The following DAB2IP variants were observed in gnomAD, a reference collection of about 807,000 sequenced individuals.
DAB2IP encodes the protein disabled homolog 2-interacting protein.
Under a neutral mutation model 107.2 loss-of-function variants are expected in DAB2IP, and 28 were observed. The ratio of observed to expected loss-of-function variants is 0.26; its 90% CI spans 0.19 to 0.36. The LOEUF is 0.36. DAB2IP is among the 10% of genes least tolerant of loss of function. The pLI is 1.00. For synonymous variants in DAB2IP, 755 were observed against 706.4 expected (o/e 1.07, Z -1.09); for missense variants, 1,400 against 1,644.7 (o/e 0.85, Z 2.57).
Position 121,699,453 on chromosome 9 carries a change from T to G in DAB2IP, c.357T>G (p.Asn119Lys). 7.1e-7 allele frequency: 1 copy of G among 1,403,368 alleles called. No homozygotes were observed. The allele number at this position is 1,403,368 out of a possible 1,614,324, so 86.9% of individuals were successfully genotyped here. Reference sequence around the variant, plus strand: ...GCGCCGCCGCCGCCGCCGCGGACAATGAGAGGTGAGCCCGCCGCCGCCGCC... The same window carrying G: ...GCGCCGCCGCCGCCGCCGCGGACAAGGAGAGGTGAGCCCGCCGCCGCCGCC... Residue 119 changes from asparagine to lysine, a missense_variant, in exon 3 of 16, where the codon AAT becomes AAG. This residue lies in a region of DAB2IP where 283 missense variants were observed against 237.0 expected (regional missense o/e 1.19). Coordinates refer to ENST00000408936, the Ensembl canonical transcript of DAB2IP. This position sits in a 1 kb window ranked among gnomAD's most constrained non-coding sequence, Gnocchi z 6.2.
At chr9:121,737,468 A>G in intron 3 of DAB2IP, 1 of 985,460 alleles carries the variant, frequency 1.0e-6, no homozygotes, top group Non-Finnish European at 1.2e-6. Context: ...CACCTCTTAG[A>G]TGCCGGCCCG....
At chr9:121,664,062 G>T (rs1476226816) in intron 1 of DAB2IP, among the ~76,000 whole-genome samples, 6 of 152,324 alleles carry the variant, frequency 3.9e-5, no homozygotes, top group African/African-American at 7.2e-5. Context: ...TCTTAGATCT[G>T]TTTCTCCACA....
At chr9:121,773,389 C>G (rs1208946491) in exon 12 of DAB2IP, 10 of 1,596,134 alleles carry the variant, frequency 6.3e-6, no homozygotes, top group Non-Finnish European at 7.7e-6. Context: ...GGAACCCTGG[C>G]GTCGGCCTCA....
At chr9:121,781,473 C>A (rs771301898) in exon 15 of DAB2IP, 1 of 1,613,920 alleles carries the variant, frequency 6.2e-7, no homozygotes. Flanking sequence ...GGTTGATGTC[C>A]GTGGAGGAAG....
intron 3 of DAB2IP, among the ~76,000 whole-genome samples, chr9:121,703,618 A>G (rs928478560): frequency 6.6e-6 from 1 of 152,222 alleles, no homozygotes; most frequent in African/African-American, 2.4e-5. Context: ...CACACTTTTC[A>G]TAGAAATTTT....
chr9:121,759,632 C>T lies in DAB2IP; in HGVS notation c.616-253C>T, dbSNP rs116295465. ...TGAGATGGGGGTTTTACCTTAGTGC[C>T]GTTTCATAGACAAGCAACCCAAGGC... On this transcript the variant is annotated intron_variant, in intron 5 of 15. Coordinates refer to ENST00000408936, the Ensembl canonical transcript of DAB2IP. Among the ~76,000 whole-genome samples, 546 of 152,294 alleles carry T rather than the reference C, an allele frequency of 3.6e-3. 1 individual carries two copies. Among genetic ancestry groups the T allele is most frequent in the Middle Eastern group, 0.031 (9 of 294 alleles).
chr9:121,628,299 C>A (rs954498029), intron 1 of DAB2IP, among the ~76,000 whole-genome samples: 8 of 152,010 alleles, frequency 5.3e-5, no homozygotes, highest in Admixed American at 3.9e-4. Context: ...TTAGGTGGGC[C>A]CCCCCCATCC....
intron 1 of DAB2IP, among the ~76,000 whole-genome samples, chr9:121,612,473 CTTT>C (rs1352412690): frequency 3.3e-5 from 5 of 152,114 alleles, no homozygotes. Context: ...AAAAAGATTT[CTTT>C]AAGGTGCTTG....
chr9:121,659,726 T>G (rs1833121353), intron 1 of DAB2IP, among the ~76,000 whole-genome samples: 1 of 151,784 alleles, frequency 6.6e-6, no homozygotes, highest in African/African-American at 2.4e-5. Flanking sequence ...CCCGGGAGGC[T>G]GAGCTTGCAG....
chr9:121,581,315 G>A (rs568473544), intron 1 of DAB2IP, among the ~76,000 whole-genome samples: 7 of 152,302 alleles, frequency 4.6e-5, no homozygotes, highest in Non-Finnish European at 8.8e-5. Context: ...CCTGTTTAGT[G>A]GCATTAAAGG....
At chr9:121,774,567 C>T (rs535640743) in intron 13 of DAB2IP, among the ~76,000 whole-genome samples, 155 bp downstream of exon 13, 1 of 152,306 alleles carries the variant, frequency 6.6e-6, no homozygotes, top group Admixed American at 6.5e-5. Flanking sequence ...GAATAGCAGT[C>T]AGTGGGGTCT....
intron 3 of DAB2IP, chr9:121,753,118 C>CA (rs1312919613): frequency 6.6e-6 from 1 of 152,274 alleles, no homozygotes; most frequent in African/African-American, 2.4e-5. Flanking sequence ...CTGGGGACGC[C>CA]AGCTCCACCC....
rs768195526 is a variant in DAB2IP, at chr9:121,699,322, C to T, written c.229-3C>T. The T allele has an allele frequency of 1.8e-5, 26 of 1,446,536 alleles. No individual in the cohort carries two copies. Among genetic ancestry groups the T allele is most frequent in the African/African-American group, 3.0e-5 (2 of 67,374 alleles). The allele number at this position is 1,446,536 out of a possible 1,614,324, so 89.6% of individuals were successfully genotyped here. A position where few individuals can be genotyped will look rare whatever the true frequency, so the allele number is the denominator to read the frequency against. ...CTTCCCCCTCTTGTCCCCCCGTGCGCAGGGCTTCCTCAGCCGCCGCCTCAA... is the reference window on the plus strand; with the variant it reads ...CTTCCCCCTCTTGTCCCCCCGTGCGTAGGGCTTCCTCAGCCGCCGCCTCAA... On this transcript the variant is annotated splice_polypyrimidine_tract_variant and splice_region_variant and intron_variant, in intron 2 of 15. Transcript: ENST00000408936. This position sits in a 1 kb window ranked among gnomAD's most constrained non-coding sequence, Gnocchi z 6.2.
At chr9:121,581,353 C>T (rs1328254112) in intron 1 of DAB2IP, among the ~76,000 whole-genome samples, 2 of 152,208 alleles carry the variant, frequency 1.3e-5, no homozygotes, top group Non-Finnish European at 2.9e-5. Flanking sequence ...CCTTGGCAGC[C>T]CAGTGCATGC....
intron 1 of DAB2IP, among the ~76,000 whole-genome samples, chr9:121,673,518 A>G (rs1833764660): frequency 6.6e-6 from 1 of 151,104 alleles, no homozygotes; most frequent in African/African-American, 2.5e-5. Flanking sequence ...CTAGAAGATG[A>G]AAAAAAACCT....
intron 3 of DAB2IP, among the ~76,000 whole-genome samples, chr9:121,724,692 AGATGGG>A (rs374283327): frequency 3.5e-3 from 536 of 152,332 alleles, no homozygotes; most frequent in African/African-American, 8.3e-3. Context: ...TACATTTTAC[AGATGGG>A]GAAACTAGAC....
intron 1 of DAB2IP, among the ~76,000 whole-genome samples, chr9:121,594,865 T>A (rs1277457882): frequency 1.3e-5 from 2 of 152,200 alleles, no homozygotes; most frequent in Non-Finnish European, 2.9e-5. Flanking sequence ...TGGGCTGGAA[T>A]GCCTGAGCTG....
intron 13 of DAB2IP, among the ~76,000 whole-genome samples, chr9:121,775,399 C>G (rs1017872553): frequency 6.6e-6 from 1 of 152,188 alleles, no homozygotes; most frequent in Non-Finnish European, 1.5e-5. Flanking sequence ...TGAAGGGGAC[C>G]GGGGGACAGG....
At chr9:121,598,818 C>G (rs1830592243) in intron 1 of DAB2IP, among the ~76,000 whole-genome samples, 1 of 152,274 alleles carries the variant, frequency 6.6e-6, no homozygotes. Flanking sequence ...CGCTGTCCCG[C>G]CACCACGGTC....
Sources: gnomAD v4.1 joint callset for allele counts (sites outside exome capture counted in the v4.1 genomes callset) on GRCh38, gnomAD v4.1.1 for gene constraint, gnomAD v4.1.1 regional missense constraint, Gnocchi (gnomAD v3.1) non-coding constraint, MANE v1.5 for transcripts, NCBI Gene and HGNC (gene_info 2026-07-23, HGNC 2026-07-21) for gene names.